Variants in SERPINB12 observed in about 807,000 individuals in gnomAD.
The protein encoded by SERPINB12 is serpin B12.
In SERPINB12, 57 loss-of-function variants were observed where a neutral mutation model predicts 41.1. That is an observed-to-expected ratio of 1.39 (90% CI 1.12 to 1.73). The LOEUF is 1.73. SERPINB12 is among the 40% of genes most tolerant of loss of function. The pLI is 0.00. For missense variants in SERPINB12, 536 were observed against 501.9 expected (o/e 1.07, Z -0.65); for synonymous variants, 180 against 181.3 (o/e 0.99, Z 0.06).
chr18:63,524,667 C>T, the SERPINB12 span, among the ~76,000 whole-genome samples: 2 of 151,996 alleles, frequency 1.3e-5, no homozygotes, highest in East Asian at 3.9e-4. Flanking sequence ...CTTGGACCTT[C>T]AGTTTTGTAG....
Position 63,568,380 on chromosome 18 carries a change from CA to C in SERPINB12, c.*1375del, listed in dbSNP as rs1911184995. On this transcript the variant is annotated 3_prime_UTR_variant, in exon 8 of 8. Transcript: ENST00000382768. ...TGGGTGACAGAGCGAAACCCTGTCT[CA>C]AAAAACAAACAAACAAAAAACCCAA... Among the ~76,000 whole-genome samples the C allele has an allele frequency of 6.6e-6, 1 of 151,976 alleles. No homozygotes were observed.
chr18:63,552,043 T>G (rs1227218628), intron 1 of SERPINB12, among the ~76,000 whole-genome samples: 2 of 152,022 alleles, frequency 1.3e-5, no homozygotes. Flanking sequence ...AATGGGAGGT[T>G]TATATAGTGG....
At chr18:63,520,435 A>C in the SERPINB12 span, among the ~76,000 whole-genome samples, 1 of 152,304 alleles carries the variant, frequency 6.6e-6, no homozygotes, top group Non-Finnish European at 1.5e-5. Flanking sequence ...GCTGAAATGC[A>C]TGTGTCAGTG....
the SERPINB12 span, among the ~76,000 whole-genome samples, chr18:63,522,524 C>G: frequency 6.6e-6 from 1 of 151,894 alleles, no homozygotes; most frequent in African/African-American, 2.4e-5. Context: ...AATAAAGAGC[C>G]AATAGTTTTC....
intron 5 of SERPINB12, among the ~76,000 whole-genome samples, chr18:63,563,537 A>T (rs111228076): frequency 1.2e-4 from 19 of 152,188 alleles, no homozygotes; most frequent in African/African-American, 4.6e-4. Flanking sequence ...AGGACTGTGA[A>T]TTAATCTTCT....
At chr18:63,566,348 C>T (rs1043571387) in intron 7 of SERPINB12, among the ~76,000 whole-genome samples, 6 of 152,186 alleles carry the variant, frequency 3.9e-5, no homozygotes, top group South Asian at 4.2e-4. Flanking sequence ...CTCAACTAAT[C>T]GACTGAGCTT....
rs1466279412 is a variant in SERPINB12 at position 63,564,100 on chromosome 18, G to T, written c.685G>T (p.Ala229Ser). ...TYFDHENTVD[A>S]PFCLNANENK... The stretch of plus-strand genomic sequence containing the variant: ...CTTTGACCATGAAAACACGGTGGAT[G>T]CACCTTTCTGTCTAAATGCGGTAGT... The change falls in exon 6 of 8, where the codon GCA becomes TCA. Residue 229 changes from alanine (A) to serine (S), a missense_variant. Coordinates refer to ENST00000382768, the MANE Select transcript of SERPINB12 (RefSeq NM_001307928.2). 3 of 1,613,472 alleles carry T rather than the reference G, an allele frequency of 1.9e-6. No homozygotes were observed. Among genetic ancestry groups the T allele is most frequent in the African/African-American group, 2.7e-5 (2 of 74,976 alleles).
At chr18:63,563,877 C>T in intron 5 of SERPINB12, 101 bp from the exon 6 acceptor site, 1 of 1,135,452 alleles carries the variant, frequency 8.8e-7, no homozygotes, top group Non-Finnish European at 1.2e-6. Flanking sequence ...GCCTGGGAGA[C>T]AAGAGCGAAA....
Position 63,565,428 on chromosome 18 carries a change from T to C in SERPINB12, c.706-17T>C. ...TTCCCATAGCCGTCCTGTGACCTCC[T>C]ACCTTGACTACTACAGAATGAAAAC... On this transcript the variant is annotated splice_polypyrimidine_tract_variant and intron_variant, in intron 6 of 7. Transcript: ENST00000382768. 4.4e-6 allele frequency: 7 copies of C among 1,608,458 alleles called. No homozygotes were observed. The highest frequency in any genetic ancestry group is 5.1e-6 in the Non-Finnish European group (6 of 1,177,238).
intron 1 of SERPINB12, among the ~76,000 whole-genome samples, chr18:63,551,113 CA>C (rs1263209373): frequency 6.6e-6 from 1 of 151,564 alleles, no homozygotes; most frequent in Non-Finnish European, 1.5e-5. Flanking sequence ...ACTAAAAATA[CA>C]AAAAATTAGC....
chr18:63,537,718 G>A (rs1264830640), upstream of SERPINB12, among the ~76,000 whole-genome samples: 2 of 152,040 alleles, frequency 1.3e-5, no homozygotes, highest in Non-Finnish European at 2.9e-5. Flanking sequence ...CTTACCATAT[G>A]GAATCCCTCT....
chr18:63,559,018 C>CTTTCTTTCTTTCT (rs1910787671), intron 3 of SERPINB12, among the ~76,000 whole-genome samples: 1 of 62,502 alleles, frequency 1.6e-5, no homozygotes, highest in Non-Finnish European at 4.1e-5. Flanking sequence ...TTCTTTCTTT[C>CTTTCTTTCTTTCT]TTTCTTTCTT....
At chr18:63,548,160 T>A (rs1224390240) in intron 1 of SERPINB12, among the ~76,000 whole-genome samples, 2 of 151,780 alleles carry the variant, frequency 1.3e-5, no homozygotes, top group Admixed American at 1.3e-4. Flanking sequence ...GAGGGAGAGG[T>A]TGGAGGAAAG....
chr18:63,546,717 G>A (rs765403270), intron 1 of SERPINB12, among the ~76,000 whole-genome samples: 1 of 152,120 alleles, frequency 6.6e-6, no homozygotes, highest in Non-Finnish European at 1.5e-5. Context: ...GAAAATATAA[G>A]CATATTAAGT....
At chr18:63,537,084 A>C in the SERPINB12 span, among the ~76,000 whole-genome samples, 2 of 152,202 alleles carry the variant, frequency 1.3e-5, no homozygotes, top group Non-Finnish European at 2.9e-5. Flanking sequence ...TGTAAATATA[A>C]AATAATTAAA....
chr18:63,567,084 C>T lies in SERPINB12; in HGVS notation c.*73C>T. 6.9e-7 allele frequency: 1 copy of T among 1,444,252 alleles called. No individual in the cohort carries two copies. Among genetic ancestry groups the T allele is most frequent in the Non-Finnish European group, 9.3e-7 (1 of 1,075,380 alleles). 89.5% of individuals were successfully genotyped at this position (1,444,252 alleles called of 1,614,324 possible). A position where few individuals can be genotyped will look rare whatever the true frequency, so the allele number is the denominator to read the frequency against. ...CAATCTTCCCCTGGCATAAGATGGG[C>T]ATTTGAGTTTTTGGTAATATCTAAA... On this transcript the variant is annotated 3_prime_UTR_variant, in exon 8 of 8. Transcript: ENST00000382768.
intron 6 of SERPINB12, 35 bp downstream of exon 6, chr18:63,564,155 C>T: frequency 1.9e-6 from 3 of 1,588,734 alleles, no homozygotes; most frequent in Non-Finnish European, 2.6e-6. Flanking sequence ...TCTAGCTAGC[C>T]AACTCATAAT....
chr18:63,520,843 T>C, the SERPINB12 span, among the ~76,000 whole-genome samples: 16 of 152,128 alleles, frequency 1.1e-4, no homozygotes, highest in African/African-American at 3.9e-4. Flanking sequence ...TCAAACTAAG[T>C]AACACATAGA....
At position 63,566,903 on chromosome 18, in the gene SERPINB12, G is replaced by C. The variant is rs200330217; in HGVS notation, c.1170G>C (p.Arg390Ser). 3.0e-5 allele frequency: 48 copies of C among 1,614,046 alleles called. No individual in the cohort carries two copies. The highest frequency in any genetic ancestry group is 1.0e-4 in the Admixed American group (6 of 59,998). Reference sequence around the variant, plus strand: ...CCACTGGGGCTGTTGTCTCGGAAAGGTCACTACGATCTTGGGTGGAGTTTA... The same window carrying C: ...CCACTGGGGCTGTTGTCTCGGAAAGCTCACTACGATCTTGGGTGGAGTTTA... ...AAATGAVVSE[R>S]SLRSWVEFNA... Residue 390 changes from arginine to serine, a missense_variant, in exon 8 of 8, where the codon AGG becomes AGC. Physicochemically the swap from Arg to Ser is moderately radical, Grantham distance 110. Coordinates refer to ENST00000382768, the MANE Select transcript of SERPINB12 (RefSeq NM_001307928.2).
Sources: allele counts gnomAD v4.1 joint callset (sites outside exome capture counted in the v4.1 genomes callset), GRCh38; gene constraint gnomAD v4.1.1; transcripts MANE v1.5; gene names NCBI Gene and HGNC (gene_info 2026-07-23, HGNC 2026-07-21).